Variants in CIT observed in about 807,000 individuals in gnomAD.
The protein encoded by CIT is citron rho-interacting serine/threonine kinase, also known as citron Rho-interacting kinase.
In CIT, 79 loss-of-function variants were observed where a neutral mutation model predicts 272.7. The ratio of observed to expected loss-of-function variants is 0.29; its 90% CI spans 0.24 to 0.35. The LOEUF is 0.35. Among genes scored for constraint, CIT ranks in the 10% least tolerant of loss-of-function variants. The probability of loss-of-function intolerance (pLI) is 1.00; values close to 1 mark genes in which losing one functional copy is unlikely to be tolerated. For synonymous variants in CIT, 948 were observed against 995.6 expected (o/e 0.95, Z 0.90); for missense variants, 1,909 against 2,618.3 (o/e 0.73, Z 5.91).
chr12:119,692,823 G>A (rs373589156), intron 46 of CIT, among the ~76,000 whole-genome samples: 7 of 152,166 alleles, frequency 4.6e-5, no homozygotes, highest in African/African-American at 9.7e-5. Context: ...CAACTGTAAC[G>A]TTTGGAGATT....
intron 9 of CIT, among the ~76,000 whole-genome samples, chr12:119,807,092 T>C (rs1966656227): frequency 6.6e-6 from 1 of 152,232 alleles, no homozygotes; most frequent in Middle Eastern, 3.2e-3. Flanking sequence ...TTTAATTCTC[T>C]AAGAATCTCA....
chr12:119,698,845 T>C (rs184838176), intron 44 of CIT, among the ~76,000 whole-genome samples: 16 of 152,366 alleles, frequency 1.1e-4, no homozygotes, highest in Admixed American at 9.8e-4. Context: ...TGAGCTTTTT[T>C]TTCTTTGGAG....
intron 10 of CIT, among the ~76,000 whole-genome samples, chr12:119,791,808 T>G (rs1240367688): frequency 6.6e-6 from 1 of 152,178 alleles, no homozygotes; most frequent in African/African-American, 2.4e-5. Context: ...GCTTTATAAT[T>G]ATAGAAGCCC....
At position 119,713,357 on chromosome 12, in the gene CIT, T is replaced by C. The variant is rs955311539; in HGVS notation, c.4488-63A>G. ...TCAGAAGAAACATCCGGCTGGAGGATAGGATGAGGGGGTGGCAGAGTTCCT... is the reference window on the plus strand; with the variant it reads ...TCAGAAGAAACATCCGGCTGGAGGACAGGATGAGGGGGTGGCAGAGTTCCT... On this transcript the variant is annotated intron_variant, in intron 34 of 47. Coordinates refer to ENST00000392521, the MANE Select transcript of CIT (RefSeq NM_001206999.2). The surrounding 1 kb of genome is among the most constrained non-coding windows in gnomAD (Gnocchi z 5.2). The C allele has an allele frequency of 8.8e-5, 140 of 1,585,206 alleles. No homozygotes were observed. Among genetic ancestry groups the C allele is most frequent in the African/African-American group, 1.9e-4 (14 of 74,180 alleles).
intron 40 of CIT, 58 bp downstream of exon 40, chr12:119,708,121 G>A: frequency 5.6e-6 from 8 of 1,435,210 alleles, no homozygotes; most frequent in Non-Finnish European, 7.4e-6. Context: ...TCTGTGGGAA[G>A]AGAGGTAGTG....
chr12:119,709,947 G>T (rs983433422), intron 39 of CIT, among the ~76,000 whole-genome samples: 44 of 152,208 alleles, frequency 2.9e-4, no homozygotes, highest in Middle Eastern at 3.4e-3. Context: ...GCCCACGGTG[G>T]TTTCGTTGCA....
intron 9 of CIT, among the ~76,000 whole-genome samples, chr12:119,818,854 G>A (rs1218217366): frequency 6.6e-6 from 1 of 152,174 alleles, no homozygotes; most frequent in Non-Finnish European, 1.5e-5. Flanking sequence ...TGCTGGTTCC[G>A]TTGACATCAC....
intron 18 of CIT, among the ~76,000 whole-genome samples, chr12:119,767,634 C>T (rs1027536996): frequency 1.3e-5 from 2 of 152,116 alleles, no homozygotes; most frequent in Non-Finnish European, 2.9e-5. Context: ...CTCAAGAACC[C>T]TAGCTAAAAA....
chr12:119,745,836 T>C (rs2137357237), intron 23 of CIT, among the ~76,000 whole-genome samples: 1 of 151,994 alleles, frequency 6.6e-6, no homozygotes, highest in Admixed American at 6.6e-5. Flanking sequence ...CAAAAATAGA[T>C]AGTTGCATAG....
At chr12:119,777,584 C>T (rs1963888026) in intron 13 of CIT, among the ~76,000 whole-genome samples, 1 of 151,256 alleles carries the variant, frequency 6.6e-6, no homozygotes, top group African/African-American at 2.4e-5. Context: ...GCAGAAGAAT[C>T]GCTTGGACCC....
intron 7 of CIT, among the ~76,000 whole-genome samples, chr12:119,828,510 G>T (rs1416295999): frequency 6.6e-6 from 1 of 151,784 alleles, no homozygotes. Context: ...TGTAGTAGGG[G>T]CCCAGCCTGC....
intron 9 of CIT, among the ~76,000 whole-genome samples, chr12:119,812,129 G>C (rs1162784302): frequency 4.0e-5 from 6 of 151,760 alleles, no homozygotes; most frequent in Non-Finnish European, 7.4e-5. Flanking sequence ...TGTATTTTTA[G>C]TAGAGACGGG....
intron 19 of CIT, among the ~76,000 whole-genome samples, chr12:119,763,078 G>A (rs1400566313): frequency 6.6e-6 from 1 of 151,924 alleles, no homozygotes; most frequent in African/African-American, 2.4e-5. Context: ...AAGAACATAC[G>A]GATCTCTCTT....
intron 9 of CIT, among the ~76,000 whole-genome samples, chr12:119,803,847 C>T (rs1966416232): frequency 6.6e-6 from 1 of 152,112 alleles, no homozygotes; most frequent in South Asian, 2.1e-4. Context: ...TAAGATGGAA[C>T]TTCTACATTT....
At chr12:119,742,512 A>G in intron 23 of CIT, 48 bp from the exon 24 acceptor site, 2 of 1,422,252 alleles carry the variant, frequency 1.4e-6, no homozygotes, top group Non-Finnish European at 2.0e-6. Flanking sequence ...GTAGAATACA[A>G]TTCTACATGC....
At chr12:119,855,740 C>T (rs1466297763) in intron 4 of CIT, among the ~76,000 whole-genome samples, 1 of 152,174 alleles carries the variant, frequency 6.6e-6, no homozygotes, top group African/African-American at 2.4e-5. Context: ...CACTTCCACA[C>T]GGTCATTTCA....
At chr12:119,875,773 G>C (rs1027399224) in intron 2 of CIT, among the ~76,000 whole-genome samples, 4 of 152,148 alleles carry the variant, frequency 2.6e-5, no homozygotes, top group African/African-American at 9.7e-5. Flanking sequence ...CTTGAGGTCA[G>C]GAGTTCGACC....
Position 119,734,223 on chromosome 12 carries a change from G to T in CIT, c.3291C>A (p.Ser1097=), listed in dbSNP as rs1211167936. ...AWRSVLGDEK[S]QFECRVRELQ... ...GCTCTCGAACCCGACACTCAAACTG[G>T]GATTTCTCATCACCCAGGACGCTCC... is the stretch of plus-strand genomic sequence containing the variant. The change falls in exon 26 of 48, where the codon TCC becomes TCA. Residue 1097 remains serine, a synonymous_variant. Transcript: ENST00000392521. 2 of 1,613,438 alleles carry T rather than the reference G, an allele frequency of 1.2e-6. No individual in the cohort carries two copies. Among genetic ancestry groups the T allele is most frequent in the Non-Finnish European group, 1.7e-6 (2 of 1,179,874 alleles).
intron 4 of CIT, among the ~76,000 whole-genome samples, chr12:119,853,426 A>G (rs1266916258): frequency 4.0e-5 from 6 of 151,054 alleles, no homozygotes; most frequent in African/African-American, 9.7e-5. Context: ...GGATTTGTTT[A>G]TTTGTTTGTT....
Sources: allele counts gnomAD v4.1 joint callset (sites outside exome capture counted in the v4.1 genomes callset), GRCh38; gene constraint gnomAD v4.1.1; non-coding constraint Gnocchi (gnomAD v3.1); transcripts MANE v1.5; gene names NCBI Gene and HGNC (gene_info 2026-07-23, HGNC 2026-07-21).